The following ANXA8 variants were observed in gnomAD, a reference collection of about 807,000 sequenced individuals.
The protein encoded by ANXA8 is annexin A8, also known as VAC-beta.
In ANXA8, 9 loss-of-function variants were observed where a neutral mutation model predicts 26.8. That is an observed-to-expected ratio of 0.34 (90% confidence interval 0.20 to 0.59). ANXA8 has a LOEUF of 0.59. Ranked by LOEUF, ANXA8 falls within the 20% of genes least tolerant of loss-of-function variation. The pLI, the probability that ANXA8 is intolerant of heterozygous loss-of-function variation, is 0.84. For synonymous variants in ANXA8, 39 were observed against 94.8 expected, an observed-to-expected ratio of 0.41 and a Z score of 3.42; for missense variants, 83 against 238.5, an observed-to-expected ratio of 0.35 and a Z score of 4.29.
upstream of ANXA8, chr10:47,484,429 CT>C: frequency 8.8e-7 from 1 of 1,141,622 alleles, no homozygotes; most frequent in Non-Finnish European, 1.2e-6. Flanking sequence ...ATTTAATCAA[CT>C]GCATATGCAA....
chr10:47,770,676 G>A, the ANXA8 span, among the ~76,000 whole-genome samples: 1 of 150,976 alleles, frequency 6.6e-6, no homozygotes, highest in Non-Finnish European at 1.5e-5. Context: ...TGTGGCTGAA[G>A]GTGGATGATC....
At chr10:47,646,714 T>C in the ANXA8 span, among the ~76,000 whole-genome samples, 1 of 152,012 alleles carries the variant, frequency 6.6e-6, no homozygotes, top group East Asian at 1.9e-4. Context: ...TTTTCTTGGC[T>C]AGGATAAATT....
the ANXA8 span, among the ~76,000 whole-genome samples, chr10:47,776,868 G>GT: frequency 1.1e-4 from 16 of 151,168 alleles, no homozygotes; most frequent in Admixed American, 5.3e-4. Context: ...GGGAGCCCAG[G>GT]TTTTTTTTTC....
chr10:47,562,805 T>G, the ANXA8 span, among the ~76,000 whole-genome samples: 2 of 149,000 alleles, frequency 1.3e-5, no homozygotes, highest in Non-Finnish European at 3.0e-5. Context: ...TTGAAAGAGG[T>G]TGGCAGTGGG....
chr10:47,665,502 C>T, the ANXA8 span, among the ~76,000 whole-genome samples: 6 of 150,898 alleles, frequency 4.0e-5, no homozygotes, highest in African/African-American at 1.5e-4. Flanking sequence ...TTGAACAGTG[C>T]TATATATTCA....
the ANXA8 span, among the ~76,000 whole-genome samples, chr10:47,519,232 C>T: frequency 7.6e-6 from 1 of 131,062 alleles, no homozygotes; most frequent in Non-Finnish European, 1.6e-5. Flanking sequence ...CTTTGGGAGG[C>T]TGAAGCGGGT....
the ANXA8 span, among the ~76,000 whole-genome samples, chr10:47,503,711 G>C: frequency 7.9e-6 from 1 of 126,750 alleles, no homozygotes; most frequent in African/African-American, 3.4e-5. Flanking sequence ...GGATCACGAG[G>C]TCAGGAGTTC....
At chr10:47,581,177 G>A in the ANXA8 span, 1 of 341,128 alleles carries the variant, frequency 2.9e-6, no homozygotes. Flanking sequence ...GGCTTTCCTG[G>A]GGTGATGGGA....
the ANXA8 span, chr10:47,543,610 C>A: frequency 2.2e-5 from 12 of 536,198 alleles, no homozygotes; most frequent in South Asian, 7.7e-5. Context: ...TGACACCTGC[C>A]GGTCACATTT....
chr10:47,694,823 C>CA, the ANXA8 span, among the ~76,000 whole-genome samples: 1 of 151,154 alleles, frequency 6.6e-6, no homozygotes, highest in African/African-American at 2.4e-5. Flanking sequence ...GAAGAGATGC[C>CA]AAAAATAAGG....
chr10:47,977,346 T>C, the ANXA8 span, among the ~76,000 whole-genome samples: 1 of 150,992 alleles, frequency 6.6e-6, no homozygotes, highest in East Asian at 1.9e-4. Context: ...TGAGGTCTGA[T>C]TTTTGGAGAT....
chr10:47,469,032 C>T (rs1366269094), intron 11 of ANXA8, 126 bp from the exon 12 acceptor site: 1 of 1,369,056 alleles, frequency 7.3e-7, no homozygotes, highest in Non-Finnish European at 1.0e-6. Flanking sequence ...TCCAGGGTTC[C>T]TAGCCGCAGG....
the ANXA8 span, among the ~76,000 whole-genome samples, chr10:47,947,657 T>C: frequency 0.13 from 18,763 of 143,748 alleles, 71 homozygotes; most frequent in Middle Eastern, 0.18. Flanking sequence ...GTGAAGGATG[T>C]GTTTGCTTTC....
the ANXA8 span, among the ~76,000 whole-genome samples, chr10:47,595,947 C>T: frequency 2.7e-5 from 4 of 148,990 alleles, no homozygotes; most frequent in East Asian, 7.7e-4. Flanking sequence ...TACCCAACAA[C>T]CACAATATAT....
At chr10:47,605,738 T>C in the ANXA8 span, among the ~76,000 whole-genome samples, 3 of 150,512 alleles carry the variant, frequency 2.0e-5, no homozygotes, top group Admixed American at 6.6e-5. Flanking sequence ...TCCAGCCAGA[T>C]TGTTTACCAA....
the ANXA8 span, among the ~76,000 whole-genome samples, chr10:47,952,572 G>A: frequency 6.8e-6 from 1 of 146,968 alleles, no homozygotes; most frequent in African/African-American, 2.7e-5. Context: ...GAAACATTGT[G>A]GAGACAAAGT....
chr10:47,920,682 G>A, the ANXA8 span: 1 of 117,502 alleles, frequency 8.5e-6, no homozygotes, highest in Admixed American at 9.2e-5. Flanking sequence ...TGTTTTACAA[G>A]ATGGGGTCCA....
At chr10:47,928,996 CTT>C in the ANXA8 span, among the ~76,000 whole-genome samples, 1 of 135,848 alleles carries the variant, frequency 7.4e-6, no homozygotes, top group African/African-American at 2.8e-5. Flanking sequence ...GCTGGTTTTC[CTT>C]TTTTTTTTCC....
At chr10:47,979,626 G>A in the ANXA8 span, among the ~76,000 whole-genome samples, 1 of 150,902 alleles carries the variant, frequency 6.6e-6, no homozygotes, top group Non-Finnish European at 1.5e-5. Flanking sequence ...AATGGAAGGA[G>A]GAGGAGACAA....
Sources: gnomAD v4.1 joint callset for allele counts (sites outside exome capture counted in the v4.1 genomes callset) on GRCh38, gnomAD v4.1.1 for gene constraint, MANE v1.5 for transcripts, NCBI Gene and HGNC (gene_info 2026-07-23, HGNC 2026-07-21) for gene names.